Variants in DRC10 observed in about 807,000 individuals in gnomAD.
DRC10 encodes the protein dynein regulatory complex subunit 10, also known as IQ domain-containing protein D.
the DRC10 span, among the ~76,000 whole-genome samples, chr12:113,220,040 TCAGGTGATCTGCTGGCC>T: frequency 4.6e-5 from 7 of 152,278 alleles, no homozygotes; most frequent in East Asian, 1.9e-4. Flanking sequence ...ACTCCTGGCC[TCAGGTGATCTGCTGGCC>T]CAGGTGATCT....
the DRC10 span, among the ~76,000 whole-genome samples, chr12:113,211,496 G>A: frequency 6.6e-6 from 1 of 152,126 alleles, no homozygotes; most frequent in Non-Finnish European, 1.5e-5. Flanking sequence ...AGGTATCATG[G>A]TTCACGCCCG....
At chr12:113,196,316 A>G in the DRC10 span, among the ~76,000 whole-genome samples, 11 of 152,200 alleles carry the variant, frequency 7.2e-5, no homozygotes, top group Non-Finnish European at 1.0e-4. Context: ...GACACAAGAA[A>G]TGGAGGCTGC....
At chr12:113,211,203 T>G in the DRC10 span, among the ~76,000 whole-genome samples, 1 of 152,244 alleles carries the variant, frequency 6.6e-6, no homozygotes, top group South Asian at 2.1e-4. Context: ...TGCCTCATGC[T>G]CCCGAGTAGC....
the DRC10 span, chr12:113,208,271 A>G: frequency 6.8e-7 from 1 of 1,474,372 alleles, no homozygotes; most frequent in Non-Finnish European, 8.9e-7. Context: ...TGCAAAATGA[A>G]GAAGTAGGTG....
chr12:113,220,157 T>C, the DRC10 span, among the ~76,000 whole-genome samples: 2 of 151,882 alleles, frequency 1.3e-5, no homozygotes, highest in African/African-American at 4.8e-5. Context: ...AGAAACTCTC[T>C]GTCTTCAGTA....
chr12:113,200,420 C>T, the DRC10 span: 11 of 729,624 alleles, frequency 1.5e-5, no homozygotes, highest in African/African-American at 5.2e-5. Flanking sequence ...TTGGGCCTTC[C>T]CTGCTCCTGT....
the DRC10 span, among the ~76,000 whole-genome samples, chr12:113,215,610 C>T: frequency 6.6e-6 from 1 of 152,160 alleles, no homozygotes; most frequent in African/African-American, 2.4e-5. Context: ...TTAAATCACT[C>T]CCCATTGTCC....
At chr12:113,197,455 C>T in the DRC10 span, 1 of 921,404 alleles carries the variant, frequency 1.1e-6, no homozygotes, top group Non-Finnish European at 1.7e-6. Flanking sequence ...CTCCATGGAC[C>T]ATCCCAAGGC....
the DRC10 span, among the ~76,000 whole-genome samples, chr12:113,201,032 G>A: frequency 1.3e-5 from 2 of 152,142 alleles, no homozygotes; most frequent in Non-Finnish European, 2.9e-5. Context: ...CCAGCTACTC[G>A]GGAGGCTGAG....
the DRC10 span, chr12:113,207,470 A>G: frequency 1.9e-6 from 3 of 1,613,820 alleles, no homozygotes; most frequent in South Asian, 2.2e-5. Context: ...CTCTCCGCCA[A>G]TTCCTTTTCA....
the DRC10 span, among the ~76,000 whole-genome samples, chr12:113,205,231 T>A: frequency 0.18 from 26,363 of 147,894 alleles, 2,579 homozygotes; most frequent in South Asian, 0.26. Context: ...AATTTTTTTT[T>A]AAAAAAAAAA....
the DRC10 span, chr12:113,207,766 A>G: frequency 1.9e-6 from 3 of 1,614,126 alleles, no homozygotes; most frequent in East Asian, 2.2e-5. Context: ...CTGCAGCTCT[A>G]TGGAAAGGAG....
chr12:113,200,520 T>TTC, the DRC10 span: 1 of 991,434 alleles, frequency 1.0e-6, no homozygotes, highest in East Asian at 3.0e-5. Flanking sequence ...GATGGAACAG[T>TTC]CCCACCCATC....
the DRC10 span, among the ~76,000 whole-genome samples, chr12:113,198,968 C>T: frequency 1.3e-4 from 20 of 151,782 alleles, no homozygotes; most frequent in Non-Finnish European, 2.4e-4. Flanking sequence ...GATGGAGTTT[C>T]GCTCTGTCAC....
chr12:113,200,228 T>C, the DRC10 span: 1 of 418,326 alleles, frequency 2.4e-6, no homozygotes, highest in East Asian at 5.6e-5. Flanking sequence ...TCTTCATTCC[T>C]TTGCAGGGCA....
At chr12:113,205,562 C>A in the DRC10 span, among the ~76,000 whole-genome samples, 1 of 152,014 alleles carries the variant, frequency 6.6e-6, no homozygotes, top group African/African-American at 2.4e-5. Flanking sequence ...TACTCGAAGA[C>A]CTGTGTTAAT....
At chr12:113,207,578 T>G in the DRC10 span, 1 of 1,614,176 alleles carries the variant, frequency 6.2e-7, no homozygotes, top group Admixed American at 1.7e-5. Context: ...GTGAGTAGTT[T>G]TTCAAACAGG....
chr12:113,213,375 T>C, the DRC10 span, among the ~76,000 whole-genome samples: 1 of 152,184 alleles, frequency 6.6e-6, no homozygotes, highest in Non-Finnish European at 1.5e-5. Flanking sequence ...ACCTGATAGG[T>C]AGTTTTTCCA....
At chr12:113,206,754 TAA>T in the DRC10 span, among the ~76,000 whole-genome samples, 1 of 141,704 alleles carries the variant, frequency 7.1e-6, no homozygotes. Context: ...GACTCCATCT[TAA>T]AAAAAAAAAA....
Sources: allele counts gnomAD v4.1 joint callset (sites outside exome capture counted in the v4.1 genomes callset), GRCh38; gene constraint gnomAD v4.1.1; transcripts MANE v1.5; gene names NCBI Gene and HGNC (gene_info 2026-07-23, HGNC 2026-07-21).